EPHB1: variants seen among roughly 807,000 people sequenced by gnomAD.
The protein encoded by EPHB1 is EPH receptor B1.
Under a neutral mutation model 94.4 loss-of-function variants are expected in EPHB1, and 30 were observed. The observed-to-expected ratio is 0.32, with a 90% CI of 0.24 to 0.43. EPHB1 has a LOEUF of 0.43. EPHB1 is among the 20% of genes least tolerant of loss of function. The pLI is 1.00. For missense variants in EPHB1, 1,055 were observed against 1,308.3 expected, an observed-to-expected ratio of 0.81 and a Z score of 2.99; for synonymous variants, 522 against 489.1, an observed-to-expected ratio of 1.07 and a Z score of -0.89.
At chr3:134,958,413 A>AGTGTGTGTGTGTGTGTGT (rs3067407) in intron 3 of EPHB1, among the ~76,000 whole-genome samples, 46 of 97,736 alleles carry the variant, frequency 4.7e-4, no homozygotes, top group South Asian at 3.7e-3. Context: ...AACACAAGGG[A>AGTGTGTGTGTGTGTGTGT]GTGTGTGTGT....
At chr3:135,025,221 A>ATTTATTTAT (rs779516988) in intron 3 of EPHB1, among the ~76,000 whole-genome samples, 326 of 98,592 alleles carry the variant, frequency 3.3e-3, no homozygotes, top group East Asian at 0.021. Context: ...TTATTTATTT[A>ATTTATTTAT]TTATTATACT....
rs576732896 is a variant in EPHB1, at chr3:135,226,317, A to G, written c.2347-14831A>G. ...CCCTACCGCGGCACTCTTCTGTCCCAGCAGCTGGCCTGGCTTCCTCTTTTA... is the reference window on the plus strand; with the variant it reads ...CCCTACCGCGGCACTCTTCTGTCCCGGCAGCTGGCCTGGCTTCCTCTTTTA... On this transcript the variant is annotated intron_variant, in intron 12 of 15. Transcript: ENST00000398015. Among the ~76,000 whole-genome samples the G allele has an allele frequency of 5.3e-5, 8 of 152,332 alleles. No homozygotes were observed. In the East Asian group the frequency reaches 1.5e-3, roughly 29 times the overall value.
At chr3:134,927,918 G>C (rs2038824789) in intron 2 of EPHB1, among the ~76,000 whole-genome samples, 1 of 152,220 alleles carries the variant, frequency 6.6e-6, no homozygotes, top group Non-Finnish European at 1.5e-5. Context: ...ATGGCCTTTG[G>C]TCTGGGTGGA....
intron 10 of EPHB1, among the ~76,000 whole-genome samples, chr3:135,188,707 A>G (rs543663787): frequency 6.6e-6 from 1 of 152,326 alleles, no homozygotes; most frequent in South Asian, 2.1e-4. Flanking sequence ...GTTTGCGTGT[A>G]GACATGGAGC....
At chr3:135,053,102 G>T (rs1004480355) in intron 3 of EPHB1, among the ~76,000 whole-genome samples, 1 of 138,628 alleles carries the variant, frequency 7.2e-6, no homozygotes, top group Admixed American at 7.4e-5. Context: ...GGAGTCCATG[G>T]TATCCAGATA....
At chr3:134,901,358 T>C (rs991292531) in intron 1 of EPHB1, among the ~76,000 whole-genome samples, 2 of 152,242 alleles carry the variant, frequency 1.3e-5, no homozygotes, top group Admixed American at 1.3e-4. Flanking sequence ...CTTCTTATTT[T>C]TTCTTATTTT....
At chr3:135,050,490 G>A (rs375985051) in intron 3 of EPHB1, among the ~76,000 whole-genome samples, 39 of 152,258 alleles carry the variant, frequency 2.6e-4, no homozygotes, top group Middle Eastern at 3.4e-3. Flanking sequence ...CATCCTCTTC[G>A]TGTGGGAAGG....
At chr3:134,823,792 T>C (rs1392388156) in intron 1 of EPHB1, 1 of 152,230 alleles carries the variant, frequency 6.6e-6, no homozygotes, top group Admixed American at 6.5e-5. Context: ...TTTTATTGCC[T>C]AAAGTTAGAA....
intron 11 of EPHB1, among the ~76,000 whole-genome samples, chr3:135,195,842 A>G (rs1942589829): frequency 7.8e-6 from 1 of 128,952 alleles, no homozygotes. Context: ...TCCTTTGGGT[A>G]TATACCCAGT....
chr3:135,097,153 G>C (rs1014567841), intron 3 of EPHB1, among the ~76,000 whole-genome samples: 8 of 139,948 alleles, frequency 5.7e-5, no homozygotes, highest in African/African-American at 2.1e-4. Flanking sequence ...TTCAACGTAT[G>C]ATTTTTTTTT....
chr3:134,920,384 T>C (rs1427198823), intron 1 of EPHB1, among the ~76,000 whole-genome samples: 1 of 152,196 alleles, frequency 6.6e-6, no homozygotes, highest in East Asian at 1.9e-4. Context: ...AGCTATTTCA[T>C]AGTGTGGCTT....
intron 12 of EPHB1, among the ~76,000 whole-genome samples, chr3:135,238,307 C>T (rs561552931): frequency 2.4e-4 from 36 of 152,338 alleles, no homozygotes; most frequent in African/African-American, 8.4e-4. Flanking sequence ...ACCTGCCTGT[C>T]CAGGGGCTCT....
At chr3:134,917,054 G>A (rs1414583986) in intron 1 of EPHB1, among the ~76,000 whole-genome samples, 1 of 152,180 alleles carries the variant, frequency 6.6e-6, no homozygotes, top group Non-Finnish European at 1.5e-5. Context: ...TATTTTATTA[G>A]TGAAAAGCAC....
chr3:134,804,128 A>G (rs1279677462), intron 1 of EPHB1, among the ~76,000 whole-genome samples: 1 of 92,574 alleles, frequency 1.1e-5, no homozygotes, highest in Non-Finnish European at 2.0e-5. Context: ...GTATTAGTCC[A>G]TTTTCATGCT....
intron 4 of EPHB1, among the ~76,000 whole-genome samples, chr3:135,114,493 A>T (rs1939593055): frequency 7.8e-6 from 1 of 128,648 alleles, no homozygotes; most frequent in South Asian, 2.8e-4. Context: ...TGAGGTCAGG[A>T]GTTCGAGACC....
At chr3:134,875,043 G>A (rs1252274746) in intron 1 of EPHB1, among the ~76,000 whole-genome samples, 1 of 152,124 alleles carries the variant, frequency 6.6e-6, no homozygotes, top group East Asian at 1.9e-4. Flanking sequence ...ATCACTTCCG[G>A]GGTACTTTCT....
At chr3:134,912,136 C>T (rs72971611) in intron 1 of EPHB1, among the ~76,000 whole-genome samples, 6,946 of 152,292 alleles carry the variant, frequency 0.046, 232 homozygotes, top group African/African-American at 0.089. Flanking sequence ...CTCTCCTCCC[C>T]GCTCTTCTCC....
At chr3:135,121,698 C>A (rs1274228654) in intron 4 of EPHB1, among the ~76,000 whole-genome samples, 1 of 152,038 alleles carries the variant, frequency 6.6e-6, no homozygotes, top group Non-Finnish European at 1.5e-5. Flanking sequence ...TACCTAAAGG[C>A]CTGGGAGAAC....
chr3:135,214,470 G>T (rs967226115), intron 12 of EPHB1, among the ~76,000 whole-genome samples: 2 of 152,176 alleles, frequency 1.3e-5, no homozygotes, highest in Non-Finnish European at 2.9e-5. Flanking sequence ...TTCTACAAGG[G>T]TAATCTCTGT....
Sources: gnomAD v4.1 joint callset for allele counts (sites outside exome capture counted in the v4.1 genomes callset) on GRCh38, gnomAD v4.1.1 for gene constraint, MANE v1.5 for transcripts, NCBI Gene and HGNC (gene_info 2026-07-23, HGNC 2026-07-21) for gene names.